Variants in SPARCL1 observed in about 807,000 individuals in gnomAD.
The protein encoded by SPARCL1 is SPARC like 1, also known as SPARC-like protein 1.
Under a neutral mutation model 67.1 loss-of-function variants are expected in SPARCL1, and 52 were observed. That is an observed-to-expected ratio of 0.78 (90% confidence interval 0.62 to 0.98). SPARCL1 has a LOEUF of 0.98. Ranked by LOEUF, SPARCL1 falls within the 50% of genes least tolerant of loss-of-function variation. The pLI, the probability that SPARCL1 is intolerant of heterozygous loss-of-function variation, is 0.00. For missense variants in SPARCL1, 717 were observed against 782.4 expected, an observed-to-expected ratio of 0.92 and a Z score of 1.00; for synonymous variants, 226 against 267.8, an observed-to-expected ratio of 0.84 and a Z score of 1.52.
intron 1 of SPARCL1, among the ~76,000 whole-genome samples, chr4:87,527,541 A>G (rs1335122769): frequency 6.6e-6 from 1 of 152,194 alleles, no homozygotes; most frequent in Non-Finnish European, 1.5e-5. Flanking sequence ...GTCCAGATGC[A>G]TCACTATTCA....
chr4:87,491,733 G>A (rs1724338217), intron 4 of SPARCL1, 43 bp from the exon 5 acceptor site: 5 of 1,303,926 alleles, frequency 3.8e-6, no homozygotes, highest in Non-Finnish European at 4.4e-6. Flanking sequence ...ACTAAGAGGA[G>A]AGCCATTACT....
chr4:87,479,341 T>A (rs1723708432), intron 10 of SPARCL1, 89 bp downstream of exon 10: 1 of 1,352,604 alleles, frequency 7.4e-7, no homozygotes, highest in Non-Finnish European at 1.0e-6. Flanking sequence ...AATTCGAACA[T>A]GTGGCAGGAC....
rs548020812 is a variant in SPARCL1 at position 87,484,169 on chromosome 4, C to T, written c.1532-1609G>A. ...TGAAGCCTTTGCCCATGCCTATGTC[C>T]TGAATGGTATTGCCTAAGTTTTCTT... On this transcript the variant is annotated intron_variant, in intron 7 of 10. Coordinates refer to ENST00000282470, the MANE Select transcript of SPARCL1 (RefSeq NM_004684.6). Among the ~76,000 whole-genome samples, 7 of 152,264 alleles carry T rather than the reference C, an allele frequency of 4.6e-5. No individual in the cohort carries two copies. In the East Asian group the frequency reaches 1.4e-3, roughly 29 times the overall value.
chr4:87,486,545 G>C (rs1384412365), intron 7 of SPARCL1, among the ~76,000 whole-genome samples: 2 of 152,124 alleles, frequency 1.3e-5, no homozygotes, highest in Non-Finnish European at 2.9e-5. Context: ...CTGTCAATTT[G>C]GGGTGGAGAG....
At chr4:87,483,262 G>A (rs1014766257) in intron 7 of SPARCL1, among the ~76,000 whole-genome samples, 1 of 152,022 alleles carries the variant, frequency 6.6e-6, no homozygotes, top group Admixed American at 6.6e-5. Context: ...ACAGGCCCTG[G>A]TATATGATGT....
At position 87,491,665 on chromosome 4, in the gene SPARCL1, T is replaced by C; in HGVS notation, c.1244A>G (p.Asn415Ser). The change falls in exon 5 of 11, where the codon AAT becomes AGT. Residue 415 changes from asparagine (N) to serine (S), a missense_variant. Asn to Ser is a conservative substitution (Grantham distance 46). Transcript: ENST00000282470. ...GCCTTCACTTGACGTTTCCTCCTCATTTGATGAGTTCTCTGCTTTCTTGGC... is the reference window on the plus strand; with the variant it reads ...GCCTTCACTTGACGTTTCCTCCTCACTTGATGAGTTCTCTGCTTTCTTGGC... ...QEAKKAENSS[N>S]EEETSSEGNM... The C allele has an allele frequency of 6.2e-7, 1 of 1,613,776 alleles. No individual in the cohort carries two copies. The highest frequency in any genetic ancestry group is 8.5e-7 in the Non-Finnish European group (1 of 1,179,712).
At chr4:87,480,982 G>T (rs1449726062) in intron 8 of SPARCL1, among the ~76,000 whole-genome samples, 1 of 152,010 alleles carries the variant, frequency 6.6e-6, no homozygotes, top group African/African-American at 2.4e-5. Context: ...TTTCACCCTG[G>T]TGTGTTATTG....
At chr4:87,491,545 G>C in intron 5 of SPARCL1, 73 bp downstream of exon 5, 1 of 1,180,606 alleles carries the variant, frequency 8.5e-7, no homozygotes, top group Non-Finnish European at 1.3e-6. Context: ...AAGGATGGAG[G>C]GACAAGCCCA....
intron 1 of SPARCL1, among the ~76,000 whole-genome samples, chr4:87,503,905 C>G: frequency 6.6e-6 from 1 of 152,014 alleles, no homozygotes. Flanking sequence ...GTCTCGAACT[C>G]CTGGCCTCAA....
chr4:87,490,392 A>G lies in SPARCL1; in HGVS notation c.1412T>C (p.Val471Ala). Residue 471 changes from valine (V) to alanine (A), a missense_variant and splice_region_variant, in exon 7 of 11, where the codon GTT (valine) becomes GCT (alanine). Val to Ala is a moderately conservative substitution (Grantham distance 64, BLOSUM62 0). Coordinates refer to ENST00000282470, the MANE Select transcript of SPARCL1 (RefSeq NM_004684.6). ...ATAGGTCTGATTGTCAGTGCCACAA[A>G]CCTATGGAAGATAAGTAGAAGAAAA... ...TCPPTKPLDQ[V>A]CGTDNQTYAS... 6.2e-7 allele frequency: 1 copy of G among 1,602,528 alleles called. No individual in the cohort carries two copies. The highest frequency in any genetic ancestry group is 2.2e-5 in the East Asian group (1 of 44,698).
In SPARCL1 at chr4:87,491,635, A is replaced by C. The variant is rs781576399; in HGVS notation, c.1274T>G (p.Met425Arg). 9.3e-6 allele frequency: 15 copies of C among 1,613,556 alleles called. No individual in the cohort carries two copies. The East Asian group carries it at 2.9e-4, about 31-fold the overall frequency. ...NEEETSSEGN[M>R]RVHAVDSCMS... Reference sequence around the variant, plus strand: ...ATACTCACCCACAGCATGCACCCTCATGTTGCCTTCACTTGACGTTTCCTC... The same window carrying C: ...ATACTCACCCACAGCATGCACCCTCCTGTTGCCTTCACTTGACGTTTCCTC... The change falls in exon 5 of 11, where the codon ATG (methionine) becomes AGG (arginine). Residue 425 changes from methionine to arginine, a missense_variant. Coordinates refer to ENST00000282470, the MANE Select transcript of SPARCL1 (RefSeq NM_004684.6).
chr4:87,493,783 A>G lies in SPARCL1; in HGVS notation c.1017T>C (p.Asp339=), dbSNP rs748846586. The part of the protein sequence containing the change: ...NTTPRNHGVD[D]DGDDDGDDGG... The stretch of plus-strand genomic sequence containing the variant: ...CATCATCGCCATCATCATCGCCATC[A>G]TCATCAACTCCATGATTTCTGGGCG... Residue 339 remains aspartate (D), a synonymous_variant, in exon 4 of 11, where the codon GAT becomes GAC. Transcript: ENST00000282470. 9.2e-5 allele frequency: 148 copies of G among 1,613,956 alleles called. No individual in the cohort carries two copies. Among genetic ancestry groups the G allele is most frequent in the Non-Finnish European group, 1.2e-4 (138 of 1,180,002 alleles).
chr4:87,527,708 A>G (rs1011554430), intron 1 of SPARCL1, among the ~76,000 whole-genome samples: 1 of 152,192 alleles, frequency 6.6e-6, no homozygotes, highest in Non-Finnish European at 1.5e-5. Flanking sequence ...AGAAAAAGGC[A>G]AGGTTCATAA....
chr4:87,511,850 G>A (rs1725371100), intron 1 of SPARCL1, among the ~76,000 whole-genome samples: 1 of 152,032 alleles, frequency 6.6e-6, no homozygotes, highest in Non-Finnish European at 1.5e-5. Context: ...AAAATGATTG[G>A]CTGTGCAAAG....
chr4:87,519,137 C>T (rs1725702452), intron 1 of SPARCL1, among the ~76,000 whole-genome samples: 1 of 150,790 alleles, frequency 6.6e-6, no homozygotes, highest in South Asian at 2.1e-4. Context: ...AGTGGCTGAT[C>T]TCTACTCACT....
chr4:87,523,383 C>T (rs186892191), intron 1 of SPARCL1, among the ~76,000 whole-genome samples: 53 of 152,186 alleles, frequency 3.5e-4, no homozygotes, highest in Middle Eastern at 6.9e-3. Flanking sequence ...TGAGGTATGA[C>T]TTCATTATTG....
At chr4:87,491,533 C>T (rs1041090998) in intron 5 of SPARCL1, 85 bp downstream of exon 5, 7 of 1,058,516 alleles carry the variant, frequency 6.6e-6, no homozygotes, top group Non-Finnish European at 1.0e-5. Context: ...GCAGCATTCA[C>T]AAAGGATGGA....
In SPARCL1 at chr4:87,490,357, A is replaced by G; in HGVS notation, c.1447T>C (p.Cys483Arg). The change falls in exon 7 of 11, where the codon TGT (cysteine) becomes CGT (arginine). Residue 483 changes from cysteine (C) to arginine (R), a missense_variant. Transcript: ENST00000282470. Reference sequence around the variant, plus strand: ...CTGCATTTAGTAGCGAATAGATGACAGGAACTAGCATAGGTCTGATTGTCA... The same window carrying G: ...CTGCATTTAGTAGCGAATAGATGACGGGAACTAGCATAGGTCTGATTGTCA... Reference protein sequence around the residue: ...GTDNQTYASSCHLFATKCRLE... With the variant: ...GTDNQTYASSRHLFATKCRLE... 1 of 1,613,434 alleles carries G rather than the reference A, an allele frequency of 6.2e-7. No homozygotes were observed.
At chr4:87,527,064 C>T (rs1304244115) in intron 1 of SPARCL1, among the ~76,000 whole-genome samples, 1 of 152,162 alleles carries the variant, frequency 6.6e-6, no homozygotes, top group African/African-American at 2.4e-5. Context: ...CAGGTCATGG[C>T]CTTATTCACT....
Sources: gnomAD v4.1 joint callset for allele counts (sites outside exome capture counted in the v4.1 genomes callset) on GRCh38, gnomAD v4.1.1 for gene constraint, MANE v1.5 for transcripts, NCBI Gene and HGNC (gene_info 2026-07-23, HGNC 2026-07-21) for gene names.